The following XDH variants were observed in gnomAD, a reference collection of about 807,000 sequenced individuals.
XDH encodes the protein xanthine dehydrogenase.
In XDH, 138 loss-of-function variants were observed where a neutral mutation model predicts 156.1. The ratio of observed to expected loss-of-function variants is 0.88; its 90% CI spans 0.77 to 1.02. The LOEUF (loss-of-function observed/expected upper bound fraction) is 1.02, where lower values mean the gene tolerates loss of function less well. XDH is among the 50% of genes least tolerant of loss of function. XDH has a pLI of 0.00. For synonymous variants in XDH, 669 were observed against 625.7 expected, an observed-to-expected ratio of 1.07 and a Z score of -1.03; for missense variants, 1,849 against 1,684.9, an observed-to-expected ratio of 1.10 and a Z score of -1.71.
Position 31,348,986 on chromosome 2 carries a change from G to T in XDH, c.2970-6C>A. Reference sequence around the variant, plus strand: ...TCTTTTTCCAACAATTCTCCCTAGAGAAAAAGGAATATTCTTATAGAACCT... The same window carrying T: ...TCTTTTTCCAACAATTCTCCCTAGATAAAAAGGAATATTCTTATAGAACCT... On this transcript the variant is annotated splice_polypyrimidine_tract_variant and splice_region_variant and intron_variant, in intron 26 of 35. Coordinates refer to ENST00000379416, the MANE Select transcript of XDH (RefSeq NM_000379.4). The T allele has an allele frequency of 6.2e-7, 1 of 1,612,268 alleles. No individual in the cohort carries two copies. Among genetic ancestry groups the T allele is most frequent in the African/African-American group, 1.3e-5 (1 of 75,004 alleles).
intron 5 of XDH, among the ~76,000 whole-genome samples, chr2:31,398,354 CA>C (rs2148003746): frequency 6.6e-6 from 1 of 152,314 alleles, no homozygotes; most frequent in Non-Finnish European, 1.5e-5. Context: ...AATATGGACA[CA>C]AAGGCAGGAG....
chr2:31,345,381 A>T (rs945902078), intron 30 of XDH, among the ~76,000 whole-genome samples: 14 of 152,184 alleles, frequency 9.2e-5, no homozygotes, highest in African/African-American at 3.1e-4. Context: ...CCTGTTGATC[A>T]AACTATCCCT....
At chr2:31,375,021 T>TCC (rs1686196234) in intron 15 of XDH, among the ~76,000 whole-genome samples, 2 of 91,674 alleles carry the variant, frequency 2.2e-5, no homozygotes, top group Non-Finnish European at 2.2e-5. Context: ...CTTTCTTTCT[T>TCC]TCTTTTTTTT....
In XDH at chr2:31,371,639, T is replaced by C. The variant is rs137961045; in HGVS notation, c.1856+589A>G. Among the ~76,000 whole-genome samples the C allele has an allele frequency of 8.2e-4, 125 of 152,080 alleles. 1 individual carries two copies. The highest frequency in any genetic ancestry group is 2.8e-3 in the African/African-American group (115 of 41,368). On this transcript the variant is annotated intron_variant, in intron 17 of 35. Coordinates refer to ENST00000379416, the MANE Select transcript of XDH (RefSeq NM_000379.4). ...CAAGGAACAAAAGGGAAAGAATGTA[T>C]CCTATAGCTGCCAACCATGGGAACT...
At chr2:31,351,539 A>G (rs1217902346) in intron 24 of XDH, among the ~76,000 whole-genome samples, 1 of 152,158 alleles carries the variant, frequency 6.6e-6, no homozygotes, top group East Asian at 1.9e-4. Context: ...TGGGATCCAA[A>G]GGGGTAAAGG....
chr2:31,368,526 C>T lies in XDH; in HGVS notation c.2100+15G>A. Reference sequence around the variant, plus strand: ...GGAGCTCACTCCTCTACACAGGCAGCCCATTCTCAGTTACCTCAATTGTGA... The same window carrying T: ...GGAGCTCACTCCTCTACACAGGCAGTCCATTCTCAGTTACCTCAATTGTGA... On this transcript the variant is annotated intron_variant, in intron 19 of 35. Coordinates refer to ENST00000379416, the MANE Select transcript of XDH (RefSeq NM_000379.4). 6.2e-7 allele frequency: 1 copy of T among 1,613,958 alleles called. No homozygotes were observed. The highest frequency in any genetic ancestry group is 8.5e-7 in the Non-Finnish European group (1 of 1,179,874).
chr2:31,354,710 T>G (rs1008263663), intron 24 of XDH, among the ~76,000 whole-genome samples: 1 of 151,910 alleles, frequency 6.6e-6, no homozygotes, highest in Non-Finnish European at 1.5e-5. Context: ...AACTGAAGAA[T>G]AGAATAAGAT....
chr2:31,354,112 G>A (rs953405979), intron 24 of XDH, among the ~76,000 whole-genome samples: 4 of 152,192 alleles, frequency 2.6e-5, no homozygotes, highest in Non-Finnish European at 5.9e-5. Flanking sequence ...TGGACAACAC[G>A]TGGAATGTAG....
At chr2:31,375,023 C>T (rs111882902) in intron 15 of XDH, among the ~76,000 whole-genome samples, 5,530 of 92,326 alleles carry the variant, frequency 0.06, 397 homozygotes, top group African/African-American at 0.15. Context: ...TTCTTTCTTT[C>T]TTTTTTTTTT....
chr2:31,373,922 G>A lies in XDH; in HGVS notation c.1637C>T (p.Ala546Val), dbSNP rs765465192. Residue 546 changes from alanine to valine, a missense_variant, in exon 16 of 36, where the codon GCA (alanine) becomes GTA (valine). Ala to Val is a moderately conservative substitution (Grantham distance 64, BLOSUM62 0). Coordinates refer to ENST00000379416, the MANE Select transcript of XDH (RefSeq NM_000379.4). ...CGKLDPTFAS[A>V]TLLFQKDPPA... is the part of the protein sequence containing the mutation. ...GGGGTCTTTCTGAAACAGTAAAGTT[G>A]CACTGGCGAAAGTGGGGTCCAGTTT... The A allele has an allele frequency of 1.2e-6, 2 of 1,613,856 alleles. No individual in the cohort carries two copies. Among genetic ancestry groups the A allele is most frequent in the Admixed American group, 1.7e-5 (1 of 59,980 alleles).
chr2:31,366,865 T>C lies in XDH; in HGVS notation c.2322+5A>G, dbSNP rs1303549914. 2 of 1,614,094 alleles carry C rather than the reference T, an allele frequency of 1.2e-6. No homozygotes were observed. The highest frequency in any genetic ancestry group is 1.7e-6 in the Non-Finnish European group (2 of 1,180,026). ...GCCCCTTGAGCTGACCCAAAAGGCATCTACCTGGGTCTTCATGGTGTTCTG... is the reference window on the plus strand; with the variant it reads ...GCCCCTTGAGCTGACCCAAAAGGCACCTACCTGGGTCTTCATGGTGTTCTG... On this transcript the variant is annotated splice_donor_5th_base_variant and intron_variant, in intron 21 of 35. Coordinates refer to ENST00000379416, the MANE Select transcript of XDH (RefSeq NM_000379.4).
In XDH at chr2:31,376,402, A is replaced by G. The variant is rs1194424749; in HGVS notation, c.1427+651T>C. 4.0e-5 allele frequency among the ~76,000 whole-genome samples: 6 copies of G among 149,506 alleles called. No individual in the cohort carries two copies. The Admixed American group carries it at 4.0e-4, about 10-fold the overall frequency. ...CAGTAATACTACTGTTAGTAGTAATAGTAGCAGCAGCAATACTAGTAGCAA... is the reference window on the plus strand; with the variant it reads ...CAGTAATACTACTGTTAGTAGTAATGGTAGCAGCAGCAATACTAGTAGCAA... On this transcript the variant is annotated intron_variant, in intron 14 of 35. Coordinates refer to ENST00000379416, the MANE Select transcript of XDH (RefSeq NM_000379.4).
chr2:31,350,412 C>G (rs1225460471), intron 24 of XDH, among the ~76,000 whole-genome samples, 189 bp from the exon 25 acceptor site: 2 of 114,472 alleles, frequency 1.7e-5, no homozygotes, highest in Non-Finnish European at 3.2e-5. Flanking sequence ...GAGTCTCGCT[C>G]TGTCACCAGG....
intron 10 of XDH, 108 bp downstream of exon 10, chr2:31,383,647 G>T (rs973847273): frequency 4.9e-6 from 5 of 1,029,848 alleles, no homozygotes; most frequent in Non-Finnish European, 7.4e-6. Context: ...GGAGAAGCAG[G>T]GGGCAGCCAG....
Position 31,379,889 on chromosome 2 carries a change from A to G in XDH, c.1220T>C (p.Ile407Thr). The change falls in exon 13 of 36, where the codon ATA (isoleucine) becomes ACA (threonine). Residue 407 changes from isoleucine to threonine, a missense_variant. Transcript: ENST00000379416. Reference protein sequence around the residue: ...LLSPEEILLSIEIPYSREGEY... With the variant: ...LLSPEEILLSTEIPYSREGEY... Reference sequence around the variant, plus strand: ...CACCTCCCTGCTGTAGGGGATCTCTATGGAGAGCAGTATCTCCTCCGGGCT... The same window carrying G: ...CACCTCCCTGCTGTAGGGGATCTCTGTGGAGAGCAGTATCTCCTCCGGGCT... The G allele has an allele frequency of 1.9e-6, 3 of 1,614,168 alleles. No individual in the cohort carries two copies. The highest frequency in any genetic ancestry group is 2.7e-5 in the African/African-American group (2 of 75,046).
At chr2:31,346,736 T>C (rs1055360827) in intron 30 of XDH, 33 bp downstream of exon 30, 10 of 1,613,808 alleles carry the variant, frequency 6.2e-6, no homozygotes, top group African/African-American at 1.3e-5. Context: ...TCCCTCTCCT[T>C]TGCAAACGTG....
intron 24 of XDH, among the ~76,000 whole-genome samples, chr2:31,351,202 A>T (rs1685471177): frequency 6.6e-6 from 1 of 152,158 alleles, no homozygotes; most frequent in Admixed American, 6.5e-5. Flanking sequence ...CTCTGTAAAC[A>T]TTACTTACAG....
intron 6 of XDH, among the ~76,000 whole-genome samples, chr2:31,395,563 G>C (rs1686880786): frequency 6.6e-6 from 1 of 152,182 alleles, no homozygotes; most frequent in African/African-American, 2.4e-5. Flanking sequence ...ACCTGGTGGA[G>C]ATCCTGGAGG....
Position 31,393,358 on chromosome 2 carries a change from T to C in XDH, c.495+4310A>G, listed in dbSNP as rs150418987. Reference sequence around the variant, plus strand: ...AGGACTGTTATATCTTCTTGGAGTATTGATTCCTTTATTATTTTTAATGCC... The same window carrying C: ...AGGACTGTTATATCTTCTTGGAGTACTGATTCCTTTATTATTTTTAATGCC... On this transcript the variant is annotated intron_variant, in intron 6 of 35. Coordinates refer to ENST00000379416, the MANE Select transcript of XDH (RefSeq NM_000379.4). 1.7e-4 allele frequency among the ~76,000 whole-genome samples: 26 copies of C among 152,336 alleles called. No individual in the cohort carries two copies. In the East Asian group the frequency reaches 4.6e-3, roughly 27 times the overall value.
Sources: allele counts gnomAD v4.1 joint callset (sites outside exome capture counted in the v4.1 genomes callset), GRCh38; gene constraint gnomAD v4.1.1; transcripts MANE v1.5; gene names NCBI Gene and HGNC (gene_info 2026-07-23, HGNC 2026-07-21).